Variants in VAT1L observed in about 807,000 individuals in gnomAD.
The protein encoded by VAT1L is vesicle amine transport 1 like.
A neutral mutation model predicts 44.1 loss-of-function variants in VAT1L; 34 were observed. The observed-to-expected ratio is 0.77, with a 90% CI of 0.59 to 1.03. VAT1L has a LOEUF of 1.03. VAT1L is among the 50% of genes least tolerant of loss of function. The pLI, the probability that VAT1L is intolerant of heterozygous loss-of-function variation, is 0.00. For synonymous variants in VAT1L, 253 were observed against 202.2 expected (o/e 1.25, Z -2.13); for missense variants, 615 against 538.8 (o/e 1.14, Z -1.40).
At chr16:77,922,413 C>A (rs1206229484) in intron 7 of VAT1L, among the ~76,000 whole-genome samples, 1 of 152,194 alleles carries the variant, frequency 6.6e-6, no homozygotes, top group East Asian at 1.9e-4. Context: ...GGAGCCTAAG[C>A]CACTGTTAGA....
At chr16:77,828,382 G>A (rs898330888) in intron 3 of VAT1L, among the ~76,000 whole-genome samples, 1 of 152,032 alleles carries the variant, frequency 6.6e-6, no homozygotes, top group Non-Finnish European at 1.5e-5. Flanking sequence ...TGGGAGTGGG[G>A]GCCGGGCGCG....
At chr16:77,924,614 C>A (rs1341785749) in intron 7 of VAT1L, among the ~76,000 whole-genome samples, 1 of 152,124 alleles carries the variant, frequency 6.6e-6, no homozygotes, top group Non-Finnish European at 1.5e-5. Context: ...ACGTATGCCA[C>A]CACACCCACC....
intron 7 of VAT1L, among the ~76,000 whole-genome samples, chr16:77,965,955 G>T (rs940237822): frequency 6.6e-6 from 1 of 152,116 alleles, no homozygotes; most frequent in Non-Finnish European, 1.5e-5. Flanking sequence ...AGCTATGGGA[G>T]GCCAATGAGG....
intron 7 of VAT1L, among the ~76,000 whole-genome samples, chr16:77,966,178 ATTT>A (rs961674355): frequency 6.6e-6 from 1 of 152,164 alleles, no homozygotes; most frequent in Non-Finnish European, 1.5e-5. Flanking sequence ...TAATTTGAAA[ATTT>A]TTAGCCACAT....
At chr16:77,932,280 A>G (rs1344041413) in intron 7 of VAT1L, among the ~76,000 whole-genome samples, 1 of 151,204 alleles carries the variant, frequency 6.6e-6, no homozygotes, top group South Asian at 2.1e-4. Flanking sequence ...ATTTTTTTGT[A>G]TTTTTTAGTA....
At chr16:77,876,270 T>G in intron 4 of VAT1L, 100 bp from the exon 5 acceptor site, 1 of 1,074,404 alleles carries the variant, frequency 9.3e-7, no homozygotes, top group Non-Finnish European at 1.4e-6. Flanking sequence ...TCAGGGTTCC[T>G]AATTCTGAGA....
chr16:77,901,573 C>T (rs532210970), intron 7 of VAT1L, among the ~76,000 whole-genome samples: 1 of 152,280 alleles, frequency 6.6e-6, no homozygotes, highest in South Asian at 2.1e-4. Context: ...GTGCCTCTTA[C>T]TTAGTCTCCT....
At chr16:77,867,977 G>A (rs924543474) in intron 4 of VAT1L, among the ~76,000 whole-genome samples, 2 of 152,146 alleles carry the variant, frequency 1.3e-5, no homozygotes, top group African/African-American at 4.8e-5. Context: ...CTGTACAGAT[G>A]CTTCTCAACT....
intron 1 of VAT1L, among the ~76,000 whole-genome samples, chr16:77,794,484 C>G (rs575584853): frequency 1.3e-5 from 2 of 152,334 alleles, no homozygotes; most frequent in Admixed American, 1.3e-4. Context: ...GTTCCTCCCT[C>G]TGCCTCATTT....
chr16:77,924,820 C>T (rs1417804091), intron 7 of VAT1L, among the ~76,000 whole-genome samples: 1 of 152,114 alleles, frequency 6.6e-6, no homozygotes, highest in African/African-American at 2.4e-5. Context: ...TTTTCCCCCT[C>T]TGTCTAGCAG....
rs547084878 is a variant in VAT1L at position 77,971,880 on chromosome 16, C to T, written c.1108C>T (p.Arg370Ter). 6.2e-7 allele frequency: 1 copy of T among 1,613,758 alleles called. No individual in the cohort carries two copies. Among genetic ancestry groups the T allele is most frequent in the African/African-American group, 1.3e-5 (1 of 74,996 alleles). Residue 370 changes from arginine to a stop codon, truncating the protein, a stop_gained, in exon 8 of 9, where the codon CGA (arginine) becomes TGA (stop). Coordinates refer to ENST00000302536, the MANE Select transcript of VAT1L (RefSeq NM_020927.3). LOFTEE classifies it high-confidence loss of function. ...GGAGGCCATGCAGCGGATTCACGAC[C>T]GAGGGAACATTGGCAAGTTAATTCT... ...VKEAMQRIHD[R>*]GNIGKLILDV...
rs58276288 is a variant in VAT1L, at chr16:77,814,844, T to C, written c.234-2077T>C. 6.7e-3 allele frequency among the ~76,000 whole-genome samples: 1,022 copies of C among 152,344 alleles called. 12 individuals carry two copies. The highest frequency in any genetic ancestry group is 0.024 in the African/African-American group (980 of 41,570). ...AGCTGTGAAACTGTTTTTAACCCTTTTTTTACGAGTGCCTTCCTAAAATAT... is the reference window on the plus strand; with the variant it reads ...AGCTGTGAAACTGTTTTTAACCCTTCTTTTACGAGTGCCTTCCTAAAATAT... On this transcript the variant is annotated intron_variant, in intron 1 of 8. Coordinates refer to ENST00000302536, the MANE Select transcript of VAT1L (RefSeq NM_020927.3).
intron 7 of VAT1L, among the ~76,000 whole-genome samples, chr16:77,970,051 TAAAAA>T (rs36120858): frequency 1.2e-5 from 1 of 86,822 alleles, no homozygotes; most frequent in Non-Finnish European, 2.1e-5. Context: ...ACATCTCTAC[TAAAAA>T]AAAAAAAAAA....
At chr16:77,953,817 A>C (rs1278672649) in intron 7 of VAT1L, among the ~76,000 whole-genome samples, 2 of 152,068 alleles carry the variant, frequency 1.3e-5, no homozygotes, top group Non-Finnish European at 2.9e-5. Flanking sequence ...TCTTAATTTG[A>C]GCACGTGTAT....
chr16:77,919,303 G>T (rs2017586344), intron 7 of VAT1L, among the ~76,000 whole-genome samples: 1 of 152,178 alleles, frequency 6.6e-6, no homozygotes, highest in South Asian at 2.1e-4. Context: ...GTTGTGCCTA[G>T]ACCAGGATGC....
At chr16:77,924,374 T>C (rs1471581667) in intron 7 of VAT1L, among the ~76,000 whole-genome samples, 2 of 152,064 alleles carry the variant, frequency 1.3e-5, no homozygotes, top group Non-Finnish European at 1.5e-5. Context: ...TAAGCTTTAG[T>C]GTATGAGAGC....
chr16:77,827,839 C>T (rs890232811), intron 3 of VAT1L, among the ~76,000 whole-genome samples: 11 of 152,134 alleles, frequency 7.2e-5, no homozygotes, highest in African/African-American at 2.7e-4. Flanking sequence ...CTCAACAAAG[C>T]TGTTATAGTA....
chr16:77,807,587 C>G (rs972982558), intron 1 of VAT1L, among the ~76,000 whole-genome samples: 2 of 152,148 alleles, frequency 1.3e-5, no homozygotes, highest in Non-Finnish European at 1.5e-5. Context: ...AGAACACTCC[C>G]TATCAGACCT....
intron 7 of VAT1L, among the ~76,000 whole-genome samples, chr16:77,927,208 G>A (rs529981346): frequency 2.0e-4 from 31 of 151,854 alleles, no homozygotes; most frequent in African/African-American, 3.6e-4. Flanking sequence ...TGTGGTGGCG[G>A]GCACCTGTAG....
Sources: gnomAD v4.1 joint callset for allele counts (sites outside exome capture counted in the v4.1 genomes callset) on GRCh38, gnomAD v4.1.1 for gene constraint, MANE v1.5 for transcripts, NCBI Gene and HGNC (gene_info 2026-07-23, HGNC 2026-07-21) for gene names.